The following NEDD4L variants were observed in gnomAD, a reference collection of about 807,000 sequenced individuals.
NEDD4L encodes E3 ubiquitin-protein ligase NEDD4-like.
Under a neutral mutation model 148.9 loss-of-function variants are expected in NEDD4L, and 54 were observed. That is an observed-to-expected ratio of 0.36 (90% CI 0.29 to 0.45). NEDD4L has a LOEUF of 0.45. Ranked by LOEUF, NEDD4L falls within the 20% of genes least tolerant of loss-of-function variation. The pLI is 1.00. For missense variants in NEDD4L, 856 were observed against 1,233.8 expected (o/e 0.69, Z 4.59); for synonymous variants, 433 against 440.7 (o/e 0.98, Z 0.22).
intron 5 of NEDD4L, among the ~76,000 whole-genome samples, chr18:58,300,075 G>C (rs1237676768): frequency 1.3e-5 from 2 of 152,188 alleles, no homozygotes; most frequent in Non-Finnish European, 2.9e-5. Context: ...TAAGGATTTA[G>C]ATCTTGGCTC....
rs143469137 is a variant in NEDD4L, at chr18:58,264,503, A to G, written c.297+12449A>G. Among the ~76,000 whole-genome samples the G allele has an allele frequency of 1.3e-3, 192 of 152,214 alleles. 2 individuals carry two copies. Among genetic ancestry groups the G allele is most frequent in the African/African-American group, 4.5e-3 (187 of 41,558 alleles). ...AACTTTCCTTTTTAAAAATTGATAC[A>G]TAATAGTTGTACCTGTTTATGGGGG... On this transcript the variant is annotated intron_variant, in intron 5 of 30. Coordinates refer to ENST00000400345, the MANE Select transcript of NEDD4L (RefSeq NM_001144967.3).
intron 1 of NEDD4L, among the ~76,000 whole-genome samples, chr18:58,058,876 T>C (rs2082202974): frequency 1.3e-5 from 2 of 152,188 alleles, no homozygotes; most frequent in Admixed American, 1.3e-4. Context: ...CTGTCTCGTA[T>C]AGATTAGGCA....
At chr18:58,230,511 A>G (rs529956775) in intron 2 of NEDD4L, among the ~76,000 whole-genome samples, 1 of 151,796 alleles carries the variant, frequency 6.6e-6, no homozygotes, top group East Asian at 1.9e-4. Flanking sequence ...TTCCTACATT[A>G]TAGAAAAGAG....
rs148317454 is a variant in NEDD4L, at chr18:58,087,106, T to G, written c.48+42398T>G. Among the ~76,000 whole-genome samples, 170 of 152,354 alleles carry G rather than the reference T, an allele frequency of 1.1e-3. 1 individual carries two copies. Among genetic ancestry groups the G allele is most frequent in the African/African-American group, 3.9e-3 (163 of 41,582 alleles). On this transcript the variant is annotated intron_variant, in intron 1 of 30. Coordinates refer to ENST00000400345, the MANE Select transcript of NEDD4L (RefSeq NM_001144967.3). ...TCTTAGGGCCTTTGGTTTGCCAGAA[T>G]TGTTCTCTGAGCCATTGCCTTGGAT...
chr18:58,082,006 G>C (rs1409116034), intron 1 of NEDD4L, among the ~76,000 whole-genome samples: 2 of 147,646 alleles, frequency 1.4e-5, no homozygotes, highest in Non-Finnish European at 3.0e-5. Context: ...AAAAAGGAAT[G>C]GTACAGGAAA....
At chr18:58,069,271 A>G (rs2082756376) in intron 1 of NEDD4L, among the ~76,000 whole-genome samples, 1 of 152,166 alleles carries the variant, frequency 6.6e-6, no homozygotes, top group African/African-American at 2.4e-5. Flanking sequence ...AAGTGTCAAC[A>G]GTGTGGGAGT....
chr18:58,125,349 C>T (rs571994614), intron 1 of NEDD4L, among the ~76,000 whole-genome samples: 1 of 138,180 alleles, frequency 7.2e-6, no homozygotes, highest in African/African-American at 2.9e-5. Flanking sequence ...CTCTTCCCCC[C>T]ACCAGGAGGG....
intron 5 of NEDD4L, among the ~76,000 whole-genome samples, chr18:58,311,170 C>G (rs1376995194): frequency 6.6e-6 from 1 of 152,190 alleles, no homozygotes; most frequent in African/African-American, 2.4e-5. Flanking sequence ...ACTTAGTACA[C>G]ACATTTATGT....
intron 1 of NEDD4L, among the ~76,000 whole-genome samples, chr18:58,099,751 T>C (rs2084641300): frequency 6.6e-6 from 1 of 152,190 alleles, no homozygotes; most frequent in African/African-American, 2.4e-5. Context: ...CTAAGGGGTG[T>C]AAGACGGCCC....
intron 2 of NEDD4L, among the ~76,000 whole-genome samples, chr18:58,229,416 C>A (rs2044789004): frequency 6.6e-6 from 1 of 152,210 alleles, no homozygotes; most frequent in South Asian, 2.1e-4. Flanking sequence ...TGCACTCTCA[C>A]ATTGCCTGCG....
intron 18 of NEDD4L, 27 bp downstream of exon 18, chr18:58,351,072 A>C: frequency 6.4e-7 from 1 of 1,571,860 alleles, no homozygotes; most frequent in Non-Finnish European, 8.6e-7. Flanking sequence ...ATGGACACAC[A>C]GGTGTTGTGG....
intron 1 of NEDD4L, among the ~76,000 whole-genome samples, chr18:58,147,709 T>C (rs1486556670): frequency 6.6e-6 from 1 of 152,182 alleles, no homozygotes; most frequent in Non-Finnish European, 1.5e-5. Flanking sequence ...TCATATCGTA[T>C]GTGTGTATTT....
intron 5 of NEDD4L, among the ~76,000 whole-genome samples, chr18:58,269,729 T>A (rs888866981): frequency 6.6e-6 from 1 of 152,024 alleles, no homozygotes; most frequent in Non-Finnish European, 1.5e-5. Flanking sequence ...TAAATCTGGG[T>A]TTCCTTGATA....
At chr18:58,304,469 G>T (rs2056845966) in intron 5 of NEDD4L, among the ~76,000 whole-genome samples, 1 of 152,114 alleles carries the variant, frequency 6.6e-6, no homozygotes, top group African/African-American at 2.4e-5. Flanking sequence ...AGCTATGTTT[G>T]TGACACTGCA....
chr18:58,283,404 C>T (rs574202628), intron 5 of NEDD4L, among the ~76,000 whole-genome samples: 27 of 152,088 alleles, frequency 1.8e-4, no homozygotes, highest in Non-Finnish European at 3.4e-4. Flanking sequence ...AGCCTGTGTT[C>T]GAAAGTGGCA....
rs1205736557 is a variant in NEDD4L at position 58,045,128 on chromosome 18, G to A, written c.48+420G>A. On this transcript the variant is annotated intron_variant, in intron 1 of 30. Coordinates refer to ENST00000400345, the MANE Select transcript of NEDD4L (RefSeq NM_001144967.3). ...GTCGCGCGGCTGGAGACCCGGGACT[G>A]CGGAGAAGCCGGATCGTTTCCCCCT... 10 of 399,102 alleles carry A rather than the reference G, an allele frequency of 2.5e-5. 1 individual carries two copies. The South Asian group carries it at 1.1e-3, about 45-fold the overall frequency. The allele number at this position is 399,102 out of a possible 1,614,324, so 24.7% of individuals were successfully genotyped here. A position where few individuals can be genotyped will look rare whatever the true frequency, so the allele number is the denominator to read the frequency against.
intron 5 of NEDD4L, 104 bp downstream of exon 5, chr18:58,252,158 T>C (rs1016961316): frequency 2.8e-5 from 21 of 752,776 alleles, no homozygotes; most frequent in Non-Finnish European, 4.9e-5. Context: ...TAGGACAGTA[T>C]ATGTGCCCAA....
intron 6 of NEDD4L, among the ~76,000 whole-genome samples, chr18:58,320,496 G>T (rs1042398791): frequency 6.6e-6 from 1 of 152,276 alleles, no homozygotes; most frequent in Non-Finnish European, 1.5e-5. Context: ...TCCACATGTC[G>T]TTGACATAAT....
chr18:58,319,930 C>T (rs1234253090), intron 6 of NEDD4L, among the ~76,000 whole-genome samples: 1 of 152,150 alleles, frequency 6.6e-6, no homozygotes, highest in Non-Finnish European at 1.5e-5. Context: ...CACAACAGCC[C>T]TGTAAGTTAT....
Sources: gnomAD v4.1 joint callset for allele counts (sites outside exome capture counted in the v4.1 genomes callset) on GRCh38, gnomAD v4.1.1 for gene constraint, MANE v1.5 for transcripts, NCBI Gene and HGNC (gene_info 2026-07-23, HGNC 2026-07-21) for gene names.